FYN: variants seen among roughly 807,000 people sequenced by gnomAD.
The protein encoded by FYN is tyrosine-protein kinase Fyn.
A neutral mutation model predicts 70.2 loss-of-function variants in FYN; 10 were observed. The observed-to-expected ratio is 0.14, with a 90% confidence interval of 0.09 to 0.24. The LOEUF (loss-of-function observed/expected upper bound fraction) is 0.24. FYN is among the 10% of genes least tolerant of loss of function. The pLI is 1.00. For synonymous variants in FYN, 236 were observed against 248.6 expected, an observed-to-expected ratio of 0.95 and a Z score of 0.48; for missense variants, 319 against 673.1, an observed-to-expected ratio of 0.47 and a Z score of 5.82.
chr6:111,749,871 T>C (rs1308701301), intron 3 of FYN, among the ~76,000 whole-genome samples: 1 of 151,946 alleles, frequency 6.6e-6, no homozygotes, highest in African/African-American at 2.4e-5. Context: ...CAGGGATAAA[T>C]GACCTACATG....
intron 2 of FYN, among the ~76,000 whole-genome samples, chr6:111,796,452 G>A (rs993967920): frequency 1.3e-5 from 2 of 152,222 alleles, no homozygotes; most frequent in Non-Finnish European, 2.9e-5. Context: ...GAGACTAGGT[G>A]TGTAGTAGGT....
At chr6:111,767,322 T>C (rs1005152820) in intron 3 of FYN, among the ~76,000 whole-genome samples, 2 of 152,226 alleles carry the variant, frequency 1.3e-5, no homozygotes, top group African/African-American at 4.8e-5. Context: ...ATAATTCACA[T>C]TTTCTTAAAT....
At chr6:111,690,213 T>A (rs1799255872) in intron 12 of FYN, among the ~76,000 whole-genome samples, 1 of 152,066 alleles carries the variant, frequency 6.6e-6, no homozygotes, top group Admixed American at 6.6e-5. Context: ...GGACAGCAGA[T>A]CCTTGTGGTG....
intron 12 of FYN, among the ~76,000 whole-genome samples, chr6:111,683,058 C>T (rs1394604867): frequency 6.6e-6 from 1 of 152,236 alleles, no homozygotes; most frequent in Non-Finnish European, 1.5e-5. Flanking sequence ...TGAGAATCTT[C>T]TGAGGGTCCA....
At chr6:111,786,339 T>C (rs1055444882) in intron 2 of FYN, among the ~76,000 whole-genome samples, 1 of 152,144 alleles carries the variant, frequency 6.6e-6, no homozygotes, top group Admixed American at 6.5e-5. Context: ...GATAGTTTGC[T>C]GAGAATGATG....
intron 2 of FYN, among the ~76,000 whole-genome samples, chr6:111,808,672 G>A (rs900829310): frequency 2.6e-5 from 4 of 152,164 alleles, no homozygotes; most frequent in South Asian, 4.1e-4. Flanking sequence ...GGAGTATGAC[G>A]AAGACGCCAG....
At chr6:111,736,226 C>A (rs754419763) in intron 3 of FYN, among the ~76,000 whole-genome samples, 45 of 152,198 alleles carry the variant, frequency 3.0e-4, no homozygotes, top group Non-Finnish European at 5.9e-4. Flanking sequence ...GAGGGGTTTG[C>A]TCTGTCAAGT....
At chr6:111,715,983 T>C (rs1220218738) in intron 4 of FYN, among the ~76,000 whole-genome samples, 2 of 152,244 alleles carry the variant, frequency 1.3e-5, no homozygotes, top group Non-Finnish European at 2.9e-5. Context: ...TCCTGATTCA[T>C]AAATACACAG....
chr6:111,662,459 C>G (rs1797793603), intron 13 of FYN, among the ~76,000 whole-genome samples: 3 of 152,146 alleles, frequency 2.0e-5, no homozygotes, highest in Admixed American at 1.3e-4. Flanking sequence ...ACGTACAAAA[C>G]AAACACAGGT....
intron 2 of FYN, among the ~76,000 whole-genome samples, chr6:111,786,321 G>A (rs866223510): frequency 6.6e-6 from 1 of 151,558 alleles, no homozygotes; most frequent in African/African-American, 2.4e-5. Flanking sequence ...TTGGTTTTTT[G>A]TCCTTGTGAT....
intron 3 of FYN, among the ~76,000 whole-genome samples, chr6:111,737,856 C>A (rs1440555334): frequency 2.6e-5 from 4 of 152,162 alleles, no homozygotes; most frequent in Non-Finnish European, 4.4e-5. Context: ...AAAACAGTGA[C>A]CAAATATACA....
chr6:111,711,976 CA>C (rs1290857984), intron 5 of FYN, among the ~76,000 whole-genome samples: 1 of 152,144 alleles, frequency 6.6e-6, no homozygotes, highest in Non-Finnish European at 1.5e-5. Flanking sequence ...TCTACAAGAA[CA>C]GGGTTGGAGG....
rs548985744 is a variant in FYN at position 111,753,564 on chromosome 6, T to C, written c.-12+27002A>G. Among the ~76,000 whole-genome samples, 38 of 151,982 alleles carry C rather than the reference T, an allele frequency of 2.5e-4. 1 individual carries two copies. The South Asian group carries it at 4.8e-3, about 19-fold the overall frequency. On this transcript the variant is annotated intron_variant, in intron 3 of 13. Coordinates refer to ENST00000354650, the MANE Select transcript of FYN (RefSeq NM_002037.5). The stretch of plus-strand genomic sequence containing the variant: ...GTGACAATCTCAAGATATAAAAATA[T>C]CTTGGTAGGCTGGAGTATTAGGCCA...
chr6:111,744,956 A>C (rs1306457854), intron 3 of FYN, among the ~76,000 whole-genome samples: 2 of 152,154 alleles, frequency 1.3e-5, no homozygotes, highest in Non-Finnish European at 2.9e-5. Flanking sequence ...TGTTCTCCTT[A>C]TTGCTTGGAA....
Position 111,709,560 on chromosome 6 carries a change from T to TA in FYN, c.345-1541dup, listed in dbSNP as rs1800270127. Among the ~76,000 whole-genome samples the TA allele has an allele frequency of 4.6e-5, 7 of 152,362 alleles. No homozygotes were observed. In the South Asian group the frequency reaches 1.4e-3, roughly 32 times the overall value. On this transcript the variant is annotated intron_variant, in intron 5 of 13. Coordinates refer to ENST00000354650, the MANE Select transcript of FYN (RefSeq NM_002037.5). ...GTTTTTAAAACCTTATGCTTTAATT[T>TA]AGTTTCCTAATCTCTCCTTTTTACC...
chr6:111,790,352 G>C (rs1771571719), intron 2 of FYN, among the ~76,000 whole-genome samples: 1 of 150,846 alleles, frequency 6.6e-6, no homozygotes. Flanking sequence ...GAACAGCTCT[G>C]GTTCAAGAGG....
chr6:111,707,307 C>T (rs1477569561), intron 6 of FYN, among the ~76,000 whole-genome samples: 2 of 152,216 alleles, frequency 1.3e-5, no homozygotes, highest in African/African-American at 2.4e-5. Flanking sequence ...TCCCTTCAGC[C>T]TACTGAACAC....
intron 3 of FYN, chr6:111,741,115 AG>A (rs1305823717): frequency 6.6e-6 from 1 of 152,148 alleles, no homozygotes; most frequent in Non-Finnish European, 1.5e-5. Flanking sequence ...AAAAAAAAAA[AG>A]AAAGAAAGGT....
At chr6:111,664,443 A>G (rs1797906367) in intron 13 of FYN, among the ~76,000 whole-genome samples, 1 of 152,200 alleles carries the variant, frequency 6.6e-6, no homozygotes, top group Admixed American at 6.5e-5. Context: ...ATTTCATTAA[A>G]AAACAAACTA....
Sources: allele counts gnomAD v4.1 joint callset (sites outside exome capture counted in the v4.1 genomes callset), GRCh38; gene constraint gnomAD v4.1.1; transcripts MANE v1.5; gene names NCBI Gene and HGNC (gene_info 2026-07-23, HGNC 2026-07-21).